The following ANKRA2 variants were observed in gnomAD, a reference collection of about 807,000 sequenced individuals.
The protein encoded by ANKRA2 is ankyrin repeat family A member 2.
ANKRA2 carries 33 observed loss-of-function variants against 37.8 expected under a neutral mutation model. The ratio of observed to expected loss-of-function variants is 0.87; its 90% CI spans 0.66 to 1.17. The LOEUF is 1.17. ANKRA2 is among the 50% of genes most tolerant of loss of function. ANKRA2 has a pLI of 0.00. For missense variants in ANKRA2, 326 were observed against 373.7 expected, an observed-to-expected ratio of 0.87 and a Z score of 1.05; for synonymous variants, 126 against 132.3, an observed-to-expected ratio of 0.95 and a Z score of 0.33.
At chr5:73,555,077 G>A (rs1747362926) in intron 5 of ANKRA2, 91 bp from the exon 6 acceptor site, 1 of 1,524,422 alleles carries the variant, frequency 6.6e-7, no homozygotes, top group Admixed American at 2.2e-5. Flanking sequence ...TTCAACACTA[G>A]GCCTGGTAAT....
rs755992554 is a variant in ANKRA2, at chr5:73,555,482, C to G, written c.612+6G>C. 1.9e-6 allele frequency: 3 copies of G among 1,612,670 alleles called. No homozygotes were observed. Among genetic ancestry groups the G allele is most frequent in the South Asian group, 2.2e-5 (2 of 91,044 alleles). On this transcript the variant is annotated splice_donor_region_variant and intron_variant, in intron 5 of 8. Coordinates refer to ENST00000296785, the MANE Select transcript of ANKRA2 (RefSeq NM_023039.5). ...ACATATACATTTTCTGAGGCATTTT[C>G]CTTACATTCTGAAGTAGGAACTCTA...
intron 3 of ANKRA2, among the ~76,000 whole-genome samples, chr5:73,559,731 C>A (rs1202782298): frequency 1.3e-5 from 2 of 152,052 alleles, no homozygotes; most frequent in Admixed American, 6.6e-5. Flanking sequence ...TTGCTCTCAA[C>A]AGAGAAATAT....
At position 73,553,213 on chromosome 5, in the gene ANKRA2, G is replaced by A. The variant is rs1360026268; in HGVS notation, c.886+193C>T. Among the ~76,000 whole-genome samples, 3 of 152,100 alleles carry A rather than the reference G, an allele frequency of 2.0e-5. No homozygotes were observed. In the East Asian group the frequency reaches 5.8e-4, roughly 29 times the overall value. ...CCTCCAGTAACCAATTATTTGGGTT[G>A]GTGAAAAGTATAGTAACAAACTCAT... On this transcript the variant is annotated intron_variant, in intron 8 of 8. Coordinates refer to ENST00000296785, the MANE Select transcript of ANKRA2 (RefSeq NM_023039.5).
Position 73,557,621 on chromosome 5 carries a change from C to T in ANKRA2, c.468G>A (p.Leu156=), listed in dbSNP as rs773055704. 1 of 1,610,706 alleles carries T rather than the reference C, an allele frequency of 6.2e-7. No homozygotes were observed. Among genetic ancestry groups the T allele is most frequent in the East Asian group, 2.2e-5 (1 of 44,772 alleles). The change falls in exon 4 of 9, where the codon TTG becomes TTA. Residue 156 remains leucine, a synonymous_variant. Coordinates refer to ENST00000296785, the MANE Select transcript of ANKRA2 (RefSeq NM_023039.5). ...LLANSLSVHQ[L]AAQGEMLYLA... ...GATAGAGCATCTCTCCCTGAGCAGC[C>T]AACTGGTGAACAGACAAAGCTGAAA...
intron 2 of ANKRA2, among the ~76,000 whole-genome samples, chr5:73,561,590 A>AC (rs1384278304): frequency 1.3e-5 from 2 of 152,110 alleles, no homozygotes; most frequent in African/African-American, 4.8e-5. Context: ...ACATGGTGAA[A>AC]CCCCATCTCT....
At position 73,562,580 on chromosome 5, in the gene ANKRA2, C is replaced by A; in HGVS notation, c.289+13G>T. On this transcript the variant is annotated intron_variant, in intron 2 of 8. Transcript: ENST00000296785. ...CAAAAACAAATGCAGATATTTATAC[C>A]ATAACTTTCAACCTTTAAATAGGAC... 1 of 1,586,110 alleles carries A rather than the reference C, an allele frequency of 6.3e-7. No homozygotes were observed. Among genetic ancestry groups the A allele is most frequent in the South Asian group, 1.1e-5 (1 of 87,084 alleles).
intron 3 of ANKRA2, among the ~76,000 whole-genome samples, chr5:73,557,856 C>G (rs1332883036): frequency 6.6e-6 from 1 of 152,060 alleles, no homozygotes; most frequent in Non-Finnish European, 1.5e-5. Flanking sequence ...GCAGGTGGAT[C>G]ACTTGAGGTC....
At chr5:73,557,547 GT>G in intron 4 of ANKRA2, 27 bp downstream of exon 4, 1 of 1,450,476 alleles carries the variant, frequency 6.9e-7, no homozygotes, top group Non-Finnish European at 9.4e-7. Context: ...TATTGAATTT[GT>G]TTAAATATTT....
At chr5:73,561,448 G>T in intron 2 of ANKRA2, 160 bp from the exon 3 acceptor site, 3 of 694,446 alleles carry the variant, frequency 4.3e-6, no homozygotes, top group East Asian at 3.1e-5. Flanking sequence ...ATACTTCCTT[G>T]TTTGCATAAT....
chr5:73,554,588 C>A (rs1002033483), intron 6 of ANKRA2, among the ~76,000 whole-genome samples, 200 bp from the exon 7 acceptor site: 8 of 152,056 alleles, frequency 5.3e-5, no homozygotes, highest in African/African-American at 1.9e-4. Context: ...ATTAATTATT[C>A]TTCTTTATTT....
intron 4 of ANKRA2, among the ~76,000 whole-genome samples, chr5:73,557,166 GAATAA>G (rs1218651595): frequency 2.6e-5 from 4 of 151,104 alleles, no homozygotes; most frequent in African/African-American, 9.7e-5. Flanking sequence ...ACTATGAAAA[GAATAA>G]AATAGGTCTT....
At position 73,562,862 on chromosome 5, in the gene ANKRA2, A is replaced by G; in HGVS notation, c.20T>C (p.Leu7Pro). Residue 7 changes from leucine (L) to proline (P), a missense_variant, in exon 2 of 9, where the codon CTG becomes CCG. Coordinates refer to ENST00000296785, the MANE Select transcript of ANKRA2 (RefSeq NM_023039.5). MDTSTN[L>P]DIGAQLIVEE... ...CACGATAAGCTGGGCTCCAATATCC[A>G]GATTTGTTGATGTATCCATGATTTC... is the stretch of plus-strand genomic sequence containing the variant. 1 of 1,608,946 alleles carries G rather than the reference A, an allele frequency of 6.2e-7. No homozygotes were observed. Among genetic ancestry groups the G allele is most frequent in the Non-Finnish European group, 8.5e-7 (1 of 1,176,762 alleles).
chr5:73,554,824 T>C, intron 6 of ANKRA2, 37 bp downstream of exon 6: 1 of 1,594,468 alleles, frequency 6.3e-7, no homozygotes, highest in Non-Finnish European at 8.6e-7. Flanking sequence ...TTCTAAAACT[T>C]GCTAGAGTCA....
intron 4 of ANKRA2, 85 bp from the exon 5 acceptor site, chr5:73,555,670 T>A: frequency 8.6e-7 from 1 of 1,165,986 alleles, no homozygotes; most frequent in Non-Finnish European, 1.2e-6. Flanking sequence ...TCCAAAGAGC[T>A]GATTATAATA....
At position 73,562,906 on chromosome 5, in the gene ANKRA2, T is replaced by C. The variant is rs778803561; in HGVS notation, c.-25A>G. ...TGATTTCAACTGTAGTTTCAATAAC[T>C]AAAACATTTCTTCATGATTTCCTCT... On this transcript the variant is annotated 5_prime_UTR_variant, in exon 2 of 9. An upstream open reading frame in the 5' UTR loses its in-frame stop. Transcript: ENST00000296785. The C allele has an allele frequency of 6.4e-7, 1 of 1,561,056 alleles. No homozygotes were observed. Among genetic ancestry groups the C allele is most frequent in the South Asian group, 1.2e-5 (1 of 83,662 alleles).
chr5:73,563,678 T>G (rs1318491565), intron 1 of ANKRA2, among the ~76,000 whole-genome samples: 1 of 152,184 alleles, frequency 6.6e-6, no homozygotes. Context: ...CCAAGATGTA[T>G]AGTTGTCTTA....
In ANKRA2 at chr5:73,565,540, T is replaced by C. The variant is rs1747711609; in HGVS notation, c.-513A>G. ...CCTCTCTCCTTTTTTTTAATATTTT[T>C]GTTTTTGCCGCCTTTACGCTCCGAG... is the stretch of plus-strand genomic sequence containing the variant. On this transcript the variant is annotated 5_prime_UTR_variant, in exon 1 of 9. Transcript: ENST00000296785. 4.6e-6 allele frequency: 1 copy of C among 215,524 alleles called. No homozygotes were observed. The highest frequency in any genetic ancestry group is 9.8e-6 in the Non-Finnish European group (1 of 102,394). The allele number at this position is 215,524 out of a possible 1,614,324, so 13.4% of individuals were successfully genotyped here. A position where few individuals can be genotyped will look rare whatever the true frequency, so the allele number is the denominator to read the frequency against.
intron 4 of ANKRA2, among the ~76,000 whole-genome samples, chr5:73,556,256 C>T (rs1747395467): frequency 6.6e-6 from 1 of 152,210 alleles, no homozygotes; most frequent in Non-Finnish European, 1.5e-5. Context: ...ATTAAGTCCA[C>T]AGCCTTTTCC....
At chr5:73,554,184 T>G (rs1580375759) in intron 7 of ANKRA2, 138 bp downstream of exon 7, 32 of 762,478 alleles carry the variant, frequency 4.2e-5, no homozygotes. Context: ...TGGTGGCAGG[T>G]GCTCTAAGGG....
Sources: allele counts gnomAD v4.1 joint callset (sites outside exome capture counted in the v4.1 genomes callset), GRCh38; gene constraint gnomAD v4.1.1; transcripts MANE v1.5; gene names NCBI Gene and HGNC (gene_info 2026-07-23, HGNC 2026-07-21).